RALA: variants seen among roughly 807,000 people sequenced by gnomAD.
RALA encodes the protein RAS like proto-oncogene A, also known as ras-related protein Ral-A.
Under a neutral mutation model 24.0 loss-of-function variants are expected in RALA, and 5 were observed. The observed-to-expected ratio is 0.21, with a 90% CI of 0.11 to 0.44. The LOEUF is 0.44. RALA is among the 20% of genes least tolerant of loss of function. RALA has a pLI of 0.99. For missense variants in RALA, 95 were observed against 241.2 expected (o/e 0.39, Z 4.01); for synonymous variants, 77 against 83.8 (o/e 0.92, Z 0.44).
At chr7:39,686,603 G>C in intron 1 of RALA, 28 bp from the exon 2 acceptor site, 5 of 1,227,670 alleles carry the variant, frequency 4.1e-6, no homozygotes, top group Non-Finnish European at 6.0e-6. Context: ...AATGTACTGA[G>C]CATTACTTAT....
At chr7:39,684,101 C>T (rs1792653109) in intron 1 of RALA, among the ~76,000 whole-genome samples, 1 of 152,176 alleles carries the variant, frequency 6.6e-6, no homozygotes, top group African/African-American at 2.4e-5. Context: ...CTGCAGTGTA[C>T]TGTAATTTTC....
At chr7:39,628,374 A>G (rs1433995417) in intron 1 of RALA, among the ~76,000 whole-genome samples, 3 of 82,034 alleles carry the variant, frequency 3.7e-5, no homozygotes, top group Non-Finnish European at 7.0e-5. Flanking sequence ...TAACCTCATA[A>G]CTACACACAC....
intron 1 of RALA, among the ~76,000 whole-genome samples, chr7:39,668,420 A>G (rs1245904421): frequency 3.3e-5 from 5 of 152,206 alleles, no homozygotes; most frequent in African/African-American, 1.2e-4. Flanking sequence ...AATGTCTTAT[A>G]TTATGGTTTA....
At chr7:39,648,789 A>G (rs962650840) in intron 1 of RALA, among the ~76,000 whole-genome samples, 1 of 152,100 alleles carries the variant, frequency 6.6e-6, no homozygotes, top group East Asian at 1.9e-4. Flanking sequence ...GCCAGGTGCA[A>G]TGGCTCACCC....
chr7:39,661,380 C>T (rs1792187539), intron 1 of RALA, among the ~76,000 whole-genome samples: 1 of 152,202 alleles, frequency 6.6e-6, no homozygotes, highest in African/African-American at 2.4e-5. Flanking sequence ...ACAGTTCAGT[C>T]ACATCTAGAC....
chr7:39,666,568 A>T (rs147269716), intron 1 of RALA, among the ~76,000 whole-genome samples: 1 of 152,238 alleles, frequency 6.6e-6, no homozygotes, highest in East Asian at 1.9e-4. Flanking sequence ...GCAATGCCTT[A>T]CTTATACAGG....
At chr7:39,674,041 G>GTAAAAAAATAAA (rs751747445) in intron 1 of RALA, among the ~76,000 whole-genome samples, 1,612 of 48,874 alleles carry the variant, frequency 0.033, 23 homozygotes, top group African/African-American at 0.053. Context: ...GGCATGCACT[G>GTAAAAAAATAAA]TAAATAAATA....
At chr7:39,625,739 C>T (rs965940535) in intron 1 of RALA, among the ~76,000 whole-genome samples, 2 of 152,200 alleles carry the variant, frequency 1.3e-5, no homozygotes, top group Non-Finnish European at 2.9e-5. Context: ...AGAAAAGAAT[C>T]TTGTCTACCA....
intron 1 of RALA, among the ~76,000 whole-genome samples, chr7:39,630,423 A>G (rs975276442): frequency 1.3e-5 from 2 of 152,096 alleles, no homozygotes; most frequent in African/African-American, 2.4e-5. Flanking sequence ...CTATTTAAGA[A>G]TATTAACCGT....
At chr7:39,636,833 G>T (rs1045691806) in intron 1 of RALA, among the ~76,000 whole-genome samples, 3 of 152,054 alleles carry the variant, frequency 2.0e-5, no homozygotes, top group Non-Finnish European at 4.4e-5. Context: ...CATTATGGTG[G>T]AGCAGGAGAG....
intron 1 of RALA, among the ~76,000 whole-genome samples, chr7:39,681,813 A>G (rs1054025149): frequency 6.6e-6 from 1 of 152,140 alleles, no homozygotes; most frequent in Non-Finnish European, 1.5e-5. Context: ...CTAGACTAAA[A>G]CATTCAGTTT....
chr7:39,643,925 T>C (rs374940103), intron 1 of RALA, among the ~76,000 whole-genome samples: 22 of 152,052 alleles, frequency 1.4e-4, no homozygotes, highest in East Asian at 5.8e-4. Context: ...GAATTCAGAG[T>C]TCCACATTAC....
chr7:39,704,734 G>A (rs1793087510), intron 4 of RALA, among the ~76,000 whole-genome samples: 1 of 152,002 alleles, frequency 6.6e-6, no homozygotes, highest in African/African-American at 2.4e-5. Flanking sequence ...GGAGTGCAGT[G>A]GCACAATCTC....
At chr7:39,667,481 T>C (rs1052664397) in intron 1 of RALA, among the ~76,000 whole-genome samples, 3 of 152,214 alleles carry the variant, frequency 2.0e-5, no homozygotes, top group African/African-American at 7.2e-5. Flanking sequence ...TGGTGCTGAT[T>C]GATGAAGCAG....
chr7:39,684,091 C>A (rs1424140802), intron 1 of RALA, among the ~76,000 whole-genome samples: 2 of 152,152 alleles, frequency 1.3e-5, no homozygotes, highest in South Asian at 4.1e-4. Context: ...TTTTAGTTAC[C>A]TGCAGTGTAC....
chr7:39,675,630 G>A (rs1037007781), intron 1 of RALA, among the ~76,000 whole-genome samples: 2 of 151,982 alleles, frequency 1.3e-5, no homozygotes, highest in Non-Finnish European at 2.9e-5. Context: ...GGTGGCTGAG[G>A]TGGGAGGATC....
intron 1 of RALA, among the ~76,000 whole-genome samples, chr7:39,670,467 A>G (rs77340061): frequency 0.015 from 2,266 of 152,300 alleles, 40 homozygotes; most frequent in African/African-American, 0.05. Flanking sequence ...TCTTTATTCA[A>G]TTTTGTAAGC....
intron 1 of RALA, among the ~76,000 whole-genome samples, chr7:39,630,927 A>G (rs1562605940): frequency 6.6e-6 from 1 of 151,342 alleles, no homozygotes; most frequent in Non-Finnish European, 1.5e-5. Flanking sequence ...CTTCCTCTTC[A>G]TTGTTTTTCT....
chr7:39,635,628 A>G (rs1791673897), intron 1 of RALA, among the ~76,000 whole-genome samples: 2 of 152,034 alleles, frequency 1.3e-5, no homozygotes, highest in South Asian at 2.1e-4. Flanking sequence ...ACCAGGGGAA[A>G]TGGGGAGGAG....
Sources: allele counts gnomAD v4.1 joint callset (sites outside exome capture counted in the v4.1 genomes callset), GRCh38; gene constraint gnomAD v4.1.1; transcripts MANE v1.5; gene names NCBI Gene and HGNC (gene_info 2026-07-23, HGNC 2026-07-21).